Variants in CNTN5 observed in about 807,000 individuals in gnomAD.
The protein encoded by CNTN5 is contactin 5.
CNTN5 carries 77 observed loss-of-function variants against 129.1 expected under a neutral mutation model. The ratio of observed to expected loss-of-function variants is 0.60; its 90% CI spans 0.50 to 0.72. The LOEUF is 0.72. CNTN5 is among the 30% of genes least tolerant of loss of function. The pLI is 0.00. For synonymous variants in CNTN5, 509 were observed against 465.6 expected (o/e 1.09, Z -1.20); for missense variants, 1,478 against 1,328.8 (o/e 1.11, Z -1.75).
intron 1 of CNTN5, among the ~76,000 whole-genome samples, chr11:99,072,030 A>G (rs1413582806): frequency 6.6e-6 from 1 of 152,164 alleles, no homozygotes; most frequent in African/African-American, 2.4e-5. Context: ...AAAGAAAATT[A>G]GCTGATAAAG....
At position 99,271,079 on chromosome 11, in the gene CNTN5, C is replaced by G. The variant is rs139684190; in HGVS notation, c.-209-54267C>G. The stretch of plus-strand genomic sequence containing the variant: ...CTAGATAAATGAATGAATGAGTGTA[C>G]AAACTGGCATAATTTACCTAGTTTT... On this transcript the variant is annotated intron_variant, in intron 1 of 24. Coordinates refer to ENST00000524871, the MANE Select transcript of CNTN5 (RefSeq NM_014361.4). Among the ~76,000 whole-genome samples, 56 of 151,962 alleles carry G rather than the reference C, an allele frequency of 3.7e-4. No homozygotes were observed. The East Asian group carries it at 0.01, about 28-fold the overall frequency.
At chr11:100,296,385 GA>G (rs375055568) in intron 18 of CNTN5, among the ~76,000 whole-genome samples, 2,416 of 151,464 alleles carry the variant, frequency 0.016, 69 homozygotes, top group African/African-American at 0.056. Context: ...TTGAATGAGA[GA>G]AAAAAAGGGT....
intron 4 of CNTN5, among the ~76,000 whole-genome samples, chr11:99,832,025 A>G (rs1489017787): frequency 2.0e-5 from 3 of 152,186 alleles, no homozygotes; most frequent in Middle Eastern, 3.4e-3. Context: ...CCTTTGCAAA[A>G]CTTCTTGAAC....
chr11:100,122,054 T>C (rs1946042435), intron 13 of CNTN5, among the ~76,000 whole-genome samples: 1 of 151,958 alleles, frequency 6.6e-6, no homozygotes, highest in African/African-American at 2.4e-5. Context: ...AACTGGTTCA[T>C]GAAATTATGG....
intron 2 of CNTN5, among the ~76,000 whole-genome samples, chr11:99,428,861 C>T (rs1432560581): frequency 6.6e-6 from 1 of 151,980 alleles, no homozygotes; most frequent in East Asian, 1.9e-4. Context: ...TTTATCTAAA[C>T]AAGAACTTTA....
At chr11:99,508,695 T>C (rs1345290195) in intron 2 of CNTN5, among the ~76,000 whole-genome samples, 1 of 152,076 alleles carries the variant, frequency 6.6e-6, no homozygotes, top group Non-Finnish European at 1.5e-5. Flanking sequence ...TCTTTTTTTT[T>C]TGACACGGAA....
intron 1 of CNTN5, among the ~76,000 whole-genome samples, chr11:99,065,036 TA>T (rs1204975074): frequency 2.0e-5 from 3 of 152,116 alleles, no homozygotes; most frequent in Non-Finnish European, 4.4e-5. Context: ...TTTCCTATTT[TA>T]AAAAAGTTTG....
chr11:99,257,397 G>T (rs911694791), intron 1 of CNTN5, among the ~76,000 whole-genome samples: 2 of 151,894 alleles, frequency 1.3e-5, no homozygotes, highest in African/African-American at 4.8e-5. Context: ...TGTTTTTATT[G>T]CTCTTTTTAC....
intron 2 of CNTN5, among the ~76,000 whole-genome samples, chr11:99,379,726 G>T (rs879003196): frequency 6.6e-6 from 1 of 152,042 alleles, no homozygotes; most frequent in Admixed American, 6.6e-5. Context: ...CTATAATTCA[G>T]CTCATGGCCC....
At chr11:100,048,239 T>C (rs1209458583) in intron 9 of CNTN5, among the ~76,000 whole-genome samples, 1 of 152,184 alleles carries the variant, frequency 6.6e-6, no homozygotes, top group Non-Finnish European at 1.5e-5. Context: ...CCTTTAGACT[T>C]GAGGGCTTAC....
intron 1 of CNTN5, among the ~76,000 whole-genome samples, chr11:99,245,364 G>C (rs1010074905): frequency 2.4e-4 from 36 of 152,068 alleles, no homozygotes; most frequent in African/African-American, 8.7e-4. Flanking sequence ...TGTTGCCCAG[G>C]TTGGAGTGCA....
At chr11:99,634,187 A>C (rs1951465834) in intron 3 of CNTN5, among the ~76,000 whole-genome samples, 1 of 152,198 alleles carries the variant, frequency 6.6e-6, no homozygotes, top group Non-Finnish European at 1.5e-5. Flanking sequence ...TGTAAGGGCT[A>C]AATTCAAAAC....
chr11:99,704,939 G>A (rs901659728), intron 3 of CNTN5, among the ~76,000 whole-genome samples: 1 of 151,112 alleles, frequency 6.6e-6, no homozygotes, highest in Non-Finnish European at 1.5e-5. Context: ...AGAGCATCTG[G>A]CATTCCAATA....
chr11:99,299,397 T>G (rs986306603), intron 1 of CNTN5, among the ~76,000 whole-genome samples: 1 of 152,012 alleles, frequency 6.6e-6, no homozygotes, highest in Non-Finnish European at 1.5e-5. Flanking sequence ...GGCAAGTATA[T>G]TAACAAAAAA....
At chr11:100,005,873 T>C (rs1050840675) in intron 9 of CNTN5, among the ~76,000 whole-genome samples, 1 of 152,162 alleles carries the variant, frequency 6.6e-6, no homozygotes, top group Non-Finnish European at 1.5e-5. Flanking sequence ...ACTTTACCTG[T>C]TCCCAGCCTT....
chr11:100,303,154 G>A (rs1163040145), intron 20 of CNTN5, among the ~76,000 whole-genome samples: 1 of 151,468 alleles, frequency 6.6e-6, no homozygotes, highest in Non-Finnish European at 1.5e-5. Flanking sequence ...AGATATCCAT[G>A]TACCCTGTAC....
At chr11:99,975,205 G>A (rs954437999) in intron 8 of CNTN5, among the ~76,000 whole-genome samples, 3 of 152,172 alleles carry the variant, frequency 2.0e-5, no homozygotes, top group Admixed American at 6.5e-5. Context: ...CAGTTTTGGC[G>A]CTTTAAGGTT....
chr11:99,424,903 G>A (rs557557073), intron 2 of CNTN5, among the ~76,000 whole-genome samples: 53 of 152,324 alleles, frequency 3.5e-4, no homozygotes, highest in Middle Eastern at 3.4e-3. Flanking sequence ...AGAGAGAAGC[G>A]TCACTGAGAC....
chr11:99,909,627 C>T (rs1040510380), intron 6 of CNTN5, among the ~76,000 whole-genome samples: 1 of 152,116 alleles, frequency 6.6e-6, no homozygotes, highest in African/African-American at 2.4e-5. Context: ...GAATACTATG[C>T]AGCCATAAAA....
Sources: allele counts gnomAD v4.1 joint callset (sites outside exome capture counted in the v4.1 genomes callset), GRCh38; gene constraint gnomAD v4.1.1; transcripts MANE v1.5; gene names NCBI Gene and HGNC (gene_info 2026-07-23, HGNC 2026-07-21).